Variants in NCOR2 observed in about 807,000 individuals in gnomAD.
The protein encoded by NCOR2 is CTG repeat protein 26.
A neutral mutation model predicts 262.9 loss-of-function variants in NCOR2; 81 were observed. The ratio of observed to expected loss-of-function variants is 0.31; its 90% CI spans 0.26 to 0.37. The LOEUF (loss-of-function observed/expected upper bound fraction) is 0.37, where lower values mean the gene tolerates loss of function less well. NCOR2 is among the 10% of genes least tolerant of loss of function. NCOR2 has a pLI of 1.00. For missense variants in NCOR2, 3,385 were observed against 3,621.4 expected, an observed-to-expected ratio of 0.93 and a Z score of 1.68; for synonymous variants, 1,659 against 1,559.3, an observed-to-expected ratio of 1.06 and a Z score of -1.51.
chr12:124,366,520 CG>C (rs985131805), intron 20 of NCOR2, among the ~76,000 whole-genome samples: 33 of 152,008 alleles, frequency 2.2e-4, no homozygotes, highest in Admixed American at 1.2e-3. Flanking sequence ...GAATGATACA[CG>C]TTTTTTTTGA....
chr12:124,325,643 C>G, intron 46 of NCOR2, 60 bp from the exon 49 acceptor site: 4 of 1,157,504 alleles, frequency 3.5e-6, no homozygotes, highest in Non-Finnish European at 4.4e-6. Context: ...CCCCTGCTGG[C>G]CGCCTGCCCA....
intron 21 of NCOR2, 45 bp downstream of exon 23, chr12:124,363,634 C>A: frequency 7.6e-7 from 1 of 1,320,830 alleles, no homozygotes; most frequent in Non-Finnish European, 9.8e-7. Flanking sequence ...ATGGGAAAGT[C>A]AAGGTCAGGG....
At chr12:124,522,986 G>A (rs1182693612) in intron 1 of NCOR2, among the ~76,000 whole-genome samples, 1 of 152,188 alleles carries the variant, frequency 6.6e-6, no homozygotes, top group Non-Finnish European at 1.5e-5. Flanking sequence ...CTGCCTCCTG[G>A]ATGGGGAGGC....
Position 124,327,637 on chromosome 12 carries a change from GGAGA to G in NCOR2, c.6959-8_6959-5del, listed in dbSNP as rs751066641. On this transcript the variant is annotated splice_region_variant and splice_polypyrimidine_tract_variant and intron_variant, in intron 44 of 46. Coordinates refer to ENST00000405201, the Ensembl canonical transcript of NCOR2. ...TGGCTTCTATAGGTCATAAGGCCTG[GGAGA>G]GAGAGACAGACAGACAGACAGACAC... The G allele has an allele frequency of 1.9e-5, 31 of 1,603,540 alleles. No homozygotes were observed. The highest frequency in any genetic ancestry group is 3.3e-5 in the Admixed American group (2 of 59,848).
chr12:124,430,627 T>C, exon 9 of NCOR2: 1 of 1,612,932 alleles, frequency 6.2e-7, no homozygotes, highest in Non-Finnish European at 8.5e-7. Flanking sequence ...CTGCATGCGC[T>C]CCTGCAGCTC....
intron 1 of NCOR2, among the ~76,000 whole-genome samples, chr12:124,562,734 A>G (rs879732957): frequency 1.3e-5 from 2 of 152,242 alleles, no homozygotes; most frequent in Non-Finnish European, 2.9e-5. Context: ...GGGGCTCTGG[A>G]AAAGAGACAG....
chr12:124,453,381 G>A (rs1297763434), intron 6 of NCOR2, among the ~76,000 whole-genome samples: 1 of 152,200 alleles, frequency 6.6e-6, no homozygotes, highest in Non-Finnish European at 1.5e-5. Context: ...GCCTGGGGTG[G>A]TAGGGGCGGC....
chr12:124,483,755 C>T lies in NCOR2; in HGVS notation c.252G>A (p.Leu84=). The T allele has an allele frequency of 6.2e-7, 1 of 1,606,268 alleles. No individual in the cohort carries two copies. The highest frequency in any genetic ancestry group is 2.2e-5 in the East Asian group (1 of 44,674). ...GCAGGTATGAGTGGGACTCTGGCCGCAGGTGGAGCTCCTGGGACCTGCAGG... is the reference window on the plus strand; with the variant it reads ...GCAGGTATGAGTGGGACTCTGGCCGTAGGTGGAGCTCCTGGGACCTGCAGG... Residue 84 remains leucine (L), a synonymous_variant, in exon 3 of 47, where the codon CTG becomes CTA. Coordinates refer to ENST00000405201, the Ensembl canonical transcript of NCOR2. The surrounding 1 kb of genome is among the most constrained non-coding windows in gnomAD (Gnocchi z 6.3).
At chr12:124,410,451 C>G (rs908926631) in intron 13 of NCOR2, among the ~76,000 whole-genome samples, 1 of 151,790 alleles carries the variant, frequency 6.6e-6, no homozygotes, top group Non-Finnish European at 1.5e-5. Context: ...GGGCAGGAAA[C>G]CAGAGACATC....
chr12:124,332,479 A>G lies in NCOR2; in HGVS notation c.6756-12T>C, dbSNP rs2035278842. On this transcript the variant is annotated splice_polypyrimidine_tract_variant and intron_variant, in intron 42 of 46. Coordinates refer to ENST00000405201, the Ensembl canonical transcript of NCOR2. ...TGGAGCCCATCCTGCTGTGAGGATC[A>G]AACACCTCACATCAGCTCACTTGGT... is the stretch of plus-strand genomic sequence containing the variant. 1 of 1,613,950 alleles carries G rather than the reference A, an allele frequency of 6.2e-7. No individual in the cohort carries two copies. Among genetic ancestry groups the G allele is most frequent in the African/African-American group, 1.3e-5 (1 of 74,892 alleles).
upstream of NCOR2, among the ~76,000 whole-genome samples, chr12:124,498,939 T>A (rs879586235): frequency 6.6e-6 from 1 of 152,094 alleles, no homozygotes; most frequent in Non-Finnish European, 1.5e-5. Context: ...AACAGGCACA[T>A]CCACGAGGCA....
At chr12:124,366,828 G>A (rs78979909) in intron 20 of NCOR2, among the ~76,000 whole-genome samples, 2 of 151,982 alleles carry the variant, frequency 1.3e-5, no homozygotes, top group Admixed American at 6.6e-5. Context: ...TAAATGATAC[G>A]CTTTCAATGG....
chr12:124,447,884 T>C (rs1488240808), intron 7 of NCOR2, among the ~76,000 whole-genome samples: 1 of 152,062 alleles, frequency 6.6e-6, no homozygotes, highest in Admixed American at 6.5e-5. Context: ...ATTTTTGCTA[T>C]GTTTGGCCAG....
At chr12:124,385,316 T>A (rs2040718678) in intron 17 of NCOR2, among the ~76,000 whole-genome samples, 1 of 152,124 alleles carries the variant, frequency 6.6e-6, no homozygotes, top group Non-Finnish European at 1.5e-5. Context: ...GCCCTAAAGC[T>A]GTGAGGTCAA....
At chr12:124,477,430 T>C (rs1396678635) in intron 3 of NCOR2, among the ~76,000 whole-genome samples, 1 of 152,182 alleles carries the variant, frequency 6.6e-6, no homozygotes, top group Non-Finnish European at 1.5e-5. Flanking sequence ...CTATTATAAA[T>C]TACCCTGTCT....
chr12:124,370,103 AC>A (rs572489981), intron 20 of NCOR2, among the ~76,000 whole-genome samples: 83 of 152,116 alleles, frequency 5.5e-4, no homozygotes, highest in African/African-American at 1.7e-3. Context: ...GTCTGCCCTG[AC>A]CCCGCTATCC....
intron 7 of NCOR2, among the ~76,000 whole-genome samples, chr12:124,444,142 A>G (rs1280533341): frequency 6.6e-6 from 1 of 152,058 alleles, no homozygotes; most frequent in African/African-American, 2.4e-5. Flanking sequence ...TGTTCCAAGC[A>G]GTGTTTAGGC....
chr12:124,375,044 G>A (rs1051888516), intron 18 of NCOR2, among the ~76,000 whole-genome samples: 43 of 152,320 alleles, frequency 2.8e-4, no homozygotes, highest in Middle Eastern at 3.4e-3. Flanking sequence ...CTTCACACAC[G>A]ACTCCTTTAA....
At chr12:124,489,214 T>C (rs1197759566) in intron 1 of NCOR2, among the ~76,000 whole-genome samples, 1 of 151,838 alleles carries the variant, frequency 6.6e-6, no homozygotes, top group East Asian at 1.9e-4. Flanking sequence ...CCTCGCCACG[T>C]CTCCAAGCAG....
Sources: gnomAD v4.1 joint callset for allele counts (sites outside exome capture counted in the v4.1 genomes callset) on GRCh38, gnomAD v4.1.1 for gene constraint, Gnocchi (gnomAD v3.1) non-coding constraint, MANE v1.5 for transcripts, NCBI Gene and HGNC (gene_info 2026-07-23, HGNC 2026-07-21) for gene names.